The following PDE4D variants were observed in gnomAD, a reference collection of about 807,000 sequenced individuals.
The protein encoded by PDE4D is phosphodiesterase 4D.
In PDE4D, 24 loss-of-function variants were observed where a neutral mutation model predicts 87.4. The observed-to-expected ratio is 0.27, with a 90% confidence interval of 0.20 to 0.39. PDE4D has a LOEUF of 0.39. Among genes scored for constraint, PDE4D ranks in the 10% least tolerant of loss-of-function variants. The pLI, the probability that PDE4D is intolerant of heterozygous loss-of-function variation, is 1.00. For missense variants in PDE4D, 714 were observed against 1,041.0 expected (o/e 0.69, Z 4.32); for synonymous variants, 384 against 383.2 (o/e 1.00, Z -0.02).
chr5:59,810,585 G>A (rs1471815981), intron 1 of PDE4D, among the ~76,000 whole-genome samples: 8 of 152,154 alleles, frequency 5.3e-5, no homozygotes, highest in East Asian at 1.9e-4. Context: ...CTGCCATTCA[G>A]AACCTTGGAC....
At chr5:59,050,094 C>T (rs1761305704) in intron 5 of PDE4D, among the ~76,000 whole-genome samples, 1 of 152,152 alleles carries the variant, frequency 6.6e-6, no homozygotes, top group African/African-American at 2.4e-5. Flanking sequence ...TGAACCCCAT[C>T]TCTACTAAAG....
chr5:60,214,564 TGAA>T (rs1583099182), intron 1 of PDE4D, among the ~76,000 whole-genome samples: 1 of 152,132 alleles, frequency 6.6e-6, no homozygotes. Flanking sequence ...TCTTAATACT[TGAA>T]GAAGAATTAA....
chr5:59,803,729 T>C (rs538278873), intron 1 of PDE4D, among the ~76,000 whole-genome samples: 2 of 152,328 alleles, frequency 1.3e-5, no homozygotes, highest in Non-Finnish European at 1.5e-5. Context: ...TTGGCCATTT[T>C]ATCATCAACA....
chr5:60,095,027 T>A (rs754254265), intron 2 of PDE4D, among the ~76,000 whole-genome samples: 1 of 152,138 alleles, frequency 6.6e-6, no homozygotes, highest in Non-Finnish European at 1.5e-5. Context: ...TATAATTTTT[T>A]AACATATTTC....
At chr5:59,953,020 C>A (rs887449897) in intron 3 of PDE4D, among the ~76,000 whole-genome samples, 1 of 152,138 alleles carries the variant, frequency 6.6e-6, no homozygotes, top group Non-Finnish European at 1.5e-5. Context: ...ACTAATACAT[C>A]CCCTTAAAAA....
chr5:59,139,846 G>C (rs780239406), intron 5 of PDE4D, among the ~76,000 whole-genome samples: 2 of 152,052 alleles, frequency 1.3e-5, no homozygotes, highest in Non-Finnish European at 2.9e-5. Context: ...GGAGGAGGAG[G>C]AACTGAGAAA....
chr5:59,034,819 A>C (rs1276335122), intron 6 of PDE4D, among the ~76,000 whole-genome samples: 1 of 152,254 alleles, frequency 6.6e-6, no homozygotes, highest in Non-Finnish European at 1.5e-5. Context: ...ACAGACTTTC[A>C]GCTTGAAACA....
chr5:59,087,231 T>C (rs1202677526), intron 5 of PDE4D, among the ~76,000 whole-genome samples: 1 of 152,112 alleles, frequency 6.6e-6, no homozygotes, highest in African/African-American at 2.4e-5. Context: ...CCACCTGTCA[T>C]CCCAGCACTT....
At chr5:59,745,583 G>A (rs1021564230) in intron 1 of PDE4D, among the ~76,000 whole-genome samples, 11 of 152,178 alleles carry the variant, frequency 7.2e-5, no homozygotes, top group African/African-American at 2.2e-4. Flanking sequence ...GCAAGCCCAC[G>A]TCTTGACAGG....
chr5:59,311,947 AC>A (rs895532091), intron 1 of PDE4D, among the ~76,000 whole-genome samples: 1 of 151,964 alleles, frequency 6.6e-6, no homozygotes, highest in Middle Eastern at 3.2e-3. Context: ...TTCCTCTCCA[AC>A]ATTTCTTCCT....
intron 1 of PDE4D, among the ~76,000 whole-genome samples, chr5:59,859,197 A>T (rs116067459): frequency 1.4e-3 from 215 of 152,324 alleles, no homozygotes; most frequent in African/African-American, 5.0e-3. Flanking sequence ...CTAATACCTG[A>T]CAAACAATAA....
chr5:59,750,310 A>G (rs990080460), intron 1 of PDE4D, among the ~76,000 whole-genome samples: 2 of 152,036 alleles, frequency 1.3e-5, no homozygotes, highest in African/African-American at 2.4e-5. Flanking sequence ...GCTTCAATAC[A>G]TCACAGTCAT....
In PDE4D at chr5:60,041,335, G is replaced by T. The variant is rs915543077; in HGVS notation, c.43-52618C>A. Among the ~76,000 whole-genome samples the T allele has an allele frequency of 2.6e-5, 4 of 152,024 alleles. No homozygotes were observed. In the East Asian group the frequency reaches 5.8e-4, roughly 22 times the overall value. On this transcript the variant is annotated intron_variant, in intron 2 of 16. Transcript: ENST00000502484. ...TCTTGAGAAAAAAAAATCACTTCTT[G>T]TCATGTTTCAATCACCCTCTGAGAC... is the stretch of plus-strand genomic sequence containing the variant.
chr5:59,137,716 C>T lies in PDE4D; in HGVS notation c.808+42879G>A, dbSNP rs572653174. On this transcript the variant is annotated intron_variant, in intron 5 of 14. Transcript: ENST00000340635. ...TAATTTTTTGTATTTTTAGTAGAGA[C>T]AGGGTTTCACCGTATTAACCAGGAT... Among the ~76,000 whole-genome samples the T allele has an allele frequency of 1.9e-3, 288 of 152,152 alleles. 1 individual carries two copies. The highest frequency in any genetic ancestry group is 6.6e-3 in the African/African-American group (275 of 41,508).
At chr5:59,818,983 A>G (rs958912678) in intron 1 of PDE4D, among the ~76,000 whole-genome samples, 4 of 152,216 alleles carry the variant, frequency 2.6e-5, no homozygotes, top group Non-Finnish European at 4.4e-5. Flanking sequence ...GTGGTCCCCA[A>G]TGTTGACACA....
At chr5:59,539,001 C>T (rs1321309853) in intron 1 of PDE4D, among the ~76,000 whole-genome samples, 3 of 152,164 alleles carry the variant, frequency 2.0e-5, no homozygotes, top group Non-Finnish European at 4.4e-5. Flanking sequence ...TCATGAACTC[C>T]ACATCACCCA....
chr5:59,474,338 C>T (rs1276311341), intron 1 of PDE4D, among the ~76,000 whole-genome samples: 1 of 152,082 alleles, frequency 6.6e-6, no homozygotes, highest in Admixed American at 6.6e-5. Context: ...TGCTTAACAT[C>T]AATCAAATCT....
rs1554091414 is a variant in PDE4D, at chr5:59,185,181, T to C, written c.758+8A>G. 1 of 1,607,142 alleles carries C rather than the reference T, an allele frequency of 6.2e-7. No individual in the cohort carries two copies. Among genetic ancestry groups the C allele is most frequent in the Non-Finnish European group, 8.5e-7 (1 of 1,175,032 alleles). ...GCAAAAAAGAGGGGGGAAAAAAGGA[T>C]ATCTTACTTGCTAGGTGCTCGATCT... On this transcript the variant is annotated splice_region_variant and intron_variant, in intron 4 of 14. Coordinates refer to ENST00000340635, the MANE Select transcript of PDE4D (RefSeq NM_001104631.2).
At chr5:59,193,822 T>A in intron 2 of PDE4D, 1 of 982,796 alleles carries the variant, frequency 1.0e-6, no homozygotes, top group South Asian at 4.7e-5. Context: ...AGAAATGGTG[T>A]TCCAGCAGTG....
Sources: allele counts gnomAD v4.1 joint callset (sites outside exome capture counted in the v4.1 genomes callset), GRCh38; gene constraint gnomAD v4.1.1; transcripts MANE v1.5; gene names NCBI Gene and HGNC (gene_info 2026-07-23, HGNC 2026-07-21).